Variants in DLGAP2 observed in about 807,000 individuals in gnomAD.
DLGAP2 encodes the protein disks large-associated protein 2.
DLGAP2 carries 26 observed loss-of-function variants against 100.3 expected under a neutral mutation model. The observed-to-expected ratio is 0.26, with a 90% CI of 0.19 to 0.36. The LOEUF (loss-of-function observed/expected upper bound fraction) is 0.36, where lower values mean the gene tolerates loss of function less well. DLGAP2 is among the 10% of genes least tolerant of loss of function. The pLI is 1.00. For synonymous variants in DLGAP2, 886 were observed against 630.1 expected, an observed-to-expected ratio of 1.41 and a Z score of -6.08; for missense variants, 1,858 against 1,453.2, an observed-to-expected ratio of 1.28 and a Z score of -4.53.
intron 1 of DLGAP2, among the ~76,000 whole-genome samples, chr8:787,283 C>T (rs960544382): frequency 6.6e-6 from 1 of 152,194 alleles, no homozygotes; most frequent in Non-Finnish European, 1.5e-5. Flanking sequence ...CGTCTGTTCT[C>T]TCACATTTGC....
intron 1 of DLGAP2, among the ~76,000 whole-genome samples, chr8:848,896 C>T (rs369977811): frequency 2.5e-4 from 34 of 134,400 alleles, no homozygotes; most frequent in African/African-American, 3.7e-4. Context: ...TAGGAACGCG[C>T]GGTGCCTGTT....
intron 3 of DLGAP2, among the ~76,000 whole-genome samples, chr8:1,342,796 G>A (rs967684459): frequency 7.2e-5 from 11 of 152,202 alleles, no homozygotes; most frequent in African/African-American, 2.2e-4. Flanking sequence ...CTCATGTGGT[G>A]CCTATTTGTC....
intron 2 of DLGAP2, among the ~76,000 whole-genome samples, chr8:1,065,861 TC>T (rs1236220704): frequency 6.6e-6 from 1 of 152,190 alleles, no homozygotes; most frequent in Non-Finnish European, 1.5e-5. Context: ...GGGAAATCTT[TC>T]CTAGCTATTT....
chr8:1,306,088 AAAAAG>A (rs1189317226), intron 3 of DLGAP2, among the ~76,000 whole-genome samples: 6,519 of 145,596 alleles, frequency 0.045, 436 homozygotes, highest in African/African-American at 0.15. Flanking sequence ...AAAAAAAAAA[AAAAAG>A]AGAGAGGGAG....
chr8:1,451,244 C>T (rs1380061596), intron 3 of DLGAP2, among the ~76,000 whole-genome samples: 3 of 152,110 alleles, frequency 2.0e-5, no homozygotes, highest in African/African-American at 7.2e-5. Context: ...CCTGTTGCAG[C>T]GTAACTAACA....
At chr8:1,007,468 A>G (rs1173695102) in intron 2 of DLGAP2, among the ~76,000 whole-genome samples, 1 of 152,258 alleles carries the variant, frequency 6.6e-6, no homozygotes, top group African/African-American at 2.4e-5. Context: ...AGAGCAAGTC[A>G]GCTGACTTAC....
intron 2 of DLGAP2, among the ~76,000 whole-genome samples, chr8:1,249,126 G>T (rs1333283859): frequency 1.3e-5 from 2 of 152,138 alleles, no homozygotes; most frequent in Non-Finnish European, 2.9e-5. Context: ...TCCCTGGGAG[G>T]GTGGCTGGAT....
intron 3 of DLGAP2, among the ~76,000 whole-genome samples, chr8:1,317,532 C>G (rs1404125695): frequency 1.5e-5 from 2 of 134,058 alleles, no homozygotes; most frequent in African/African-American, 3.1e-5. Context: ...AGAGGCTGTG[C>G]GAGTGCAGCG....
intron 8 of DLGAP2, among the ~76,000 whole-genome samples, chr8:1,633,825 T>C (rs1244514676): frequency 6.6e-6 from 1 of 152,196 alleles, no homozygotes; most frequent in African/African-American, 2.4e-5. Context: ...AGCTGTATCT[T>C]AGAAATTTAA....
intron 3 of DLGAP2, among the ~76,000 whole-genome samples, chr8:1,323,803 A>G (rs1043488709): frequency 3.3e-5 from 5 of 152,178 alleles, no homozygotes; most frequent in Admixed American, 6.5e-5. Context: ...AGAGTTTCAC[A>G]TCGTGTTTCC....
intron 4 of DLGAP2, among the ~76,000 whole-genome samples, chr8:1,546,526 G>A (rs1268205278): frequency 1.3e-5 from 2 of 152,232 alleles, no homozygotes; most frequent in East Asian, 3.8e-4. Flanking sequence ...AATCTGCGAC[G>A]TTTTGAGGCC....
intron 3 of DLGAP2, among the ~76,000 whole-genome samples, chr8:1,263,081 G>T (rs1408631050): frequency 6.6e-6 from 1 of 152,088 alleles, no homozygotes; most frequent in East Asian, 1.9e-4. Flanking sequence ...AATAAAATCA[G>T]CTATTAATAT....
At chr8:1,468,225 A>G (rs544772887) in intron 3 of DLGAP2, among the ~76,000 whole-genome samples, 22 of 152,258 alleles carry the variant, frequency 1.4e-4, no homozygotes, top group African/African-American at 4.3e-4. Flanking sequence ...TGTCCTCTGC[A>G]GCCTCGGTCG....
intron 2 of DLGAP2, among the ~76,000 whole-genome samples, chr8:923,505 A>C (rs1463905299): frequency 6.6e-6 from 1 of 152,224 alleles, no homozygotes; most frequent in Non-Finnish European, 1.5e-5. Flanking sequence ...TGCATTCAGA[A>C]TGAAAAAGCT....
chr8:904,129 C>T (rs933738187), intron 1 of DLGAP2, among the ~76,000 whole-genome samples: 10 of 152,350 alleles, frequency 6.6e-5, no homozygotes, highest in South Asian at 2.1e-4. Flanking sequence ...CTGCATATGA[C>T]GAGGCCACTG....
chr8:1,563,732 C>A (rs1305471172), intron 5 of DLGAP2, among the ~76,000 whole-genome samples: 2 of 152,058 alleles, frequency 1.3e-5, no homozygotes, highest in African/African-American at 2.4e-5. Flanking sequence ...GATGTCAGAT[C>A]TGCCGGAGCA....
At chr8:1,458,256 T>C (rs1376411481) in intron 3 of DLGAP2, among the ~76,000 whole-genome samples, 3 of 151,990 alleles carry the variant, frequency 2.0e-5, no homozygotes, top group Non-Finnish European at 2.9e-5. Context: ...CTGCAGCATG[T>C]TTGGAAACAC....
At chr8:818,365 A>G (rs1322362578) in intron 1 of DLGAP2, among the ~76,000 whole-genome samples, 3 of 152,182 alleles carry the variant, frequency 2.0e-5, no homozygotes, top group Non-Finnish European at 2.9e-5. Context: ...TGCCCCACCA[A>G]CAGTACCGAG....
chr8:1,446,151 C>T (rs1797981268), intron 3 of DLGAP2, among the ~76,000 whole-genome samples: 1 of 152,056 alleles, frequency 6.6e-6, no homozygotes, highest in African/African-American at 2.4e-5. Context: ...GTGTTTTAGA[C>T]ATGAAGTCCT....
Sources: allele counts gnomAD v4.1 joint callset (sites outside exome capture counted in the v4.1 genomes callset), GRCh38; gene constraint gnomAD v4.1.1; transcripts MANE v1.5; gene names NCBI Gene and HGNC (gene_info 2026-07-23, HGNC 2026-07-21).